The following CSMD1 variants were observed in gnomAD, a reference collection of about 807,000 sequenced individuals.
CSMD1 encodes CUB and sushi domain-containing protein 1.
CSMD1 carries 213 observed loss-of-function variants against 417.5 expected under a neutral mutation model. The ratio of observed to expected loss-of-function variants is 0.51; its 90% CI spans 0.46 to 0.57. The LOEUF is 0.57. Among genes scored for constraint, CSMD1 ranks in the 20% least tolerant of loss-of-function variants. The pLI, the probability that CSMD1 is intolerant of heterozygous loss-of-function variation, is 0.00. For missense variants in CSMD1, 6,923 were observed against 4,529.7 expected, an observed-to-expected ratio of 1.53 and a Z score of -15.17; for synonymous variants, 2,862 against 1,736.8, an observed-to-expected ratio of 1.65 and a Z score of -16.11.
intron 3 of CSMD1, among the ~76,000 whole-genome samples, chr8:4,353,198 G>C (rs1801199263): frequency 6.6e-6 from 1 of 151,914 alleles, no homozygotes; most frequent in Non-Finnish European, 1.5e-5. Context: ...CAAGTGTGGA[G>C]CCAGGTGGAG....
At chr8:3,948,047 A>C (rs774566058) in intron 5 of CSMD1, among the ~76,000 whole-genome samples, 3 of 152,134 alleles carry the variant, frequency 2.0e-5, no homozygotes, top group Non-Finnish European at 4.4e-5. Context: ...CTCTACTAAA[A>C]ATATAAAAAT....
At position 4,473,835 on chromosome 8, in the gene CSMD1, A is replaced by C. The variant is rs867948939; in HGVS notation, c.303-53770T>G. 4.6e-5 allele frequency among the ~76,000 whole-genome samples: 7 copies of C among 152,312 alleles called. No homozygotes were observed. In the Middle Eastern group the frequency reaches 0.014, roughly 296 times the overall value. The stretch of plus-strand genomic sequence containing the variant: ...ATAGAGATAGAATTGTCAAATAGGA[A>C]CACGCAAATGATCGTAGCATATATA... On this transcript the variant is annotated intron_variant, in intron 2 of 69. Transcript: ENST00000635120.
chr8:3,355,933 T>A (rs1250372341), intron 21 of CSMD1, among the ~76,000 whole-genome samples: 1 of 152,084 alleles, frequency 6.6e-6, no homozygotes, highest in Admixed American at 6.6e-5. Context: ...AAGGAATACA[T>A]GATACTATTT....
intron 3 of CSMD1, among the ~76,000 whole-genome samples, chr8:4,300,425 G>A (rs1252610488): frequency 6.6e-6 from 1 of 152,140 alleles, no homozygotes; most frequent in African/African-American, 2.4e-5. Context: ...GATGATGCCA[G>A]GCATTCAGTC....
chr8:4,089,071 C>A (rs976280678), intron 3 of CSMD1, among the ~76,000 whole-genome samples: 2 of 152,210 alleles, frequency 1.3e-5, no homozygotes, highest in East Asian at 3.9e-4. Flanking sequence ...GCCAGAGCTT[C>A]TGACAAATAG....
At chr8:3,884,683 T>C (rs1170327167) in intron 5 of CSMD1, among the ~76,000 whole-genome samples, 1 of 152,126 alleles carries the variant, frequency 6.6e-6, no homozygotes, top group Non-Finnish European at 1.5e-5. Flanking sequence ...TTTTAAATTA[T>C]AATTTTAGTA....
chr8:4,632,840 G>C (rs1374011078), intron 2 of CSMD1, among the ~76,000 whole-genome samples: 3 of 152,190 alleles, frequency 2.0e-5, no homozygotes, highest in Non-Finnish European at 4.4e-5. Context: ...ATACTATTCA[G>C]ACCGGTAGAG....
intron 3 of CSMD1, among the ~76,000 whole-genome samples, chr8:4,324,145 A>G (rs1252870580): frequency 6.6e-6 from 1 of 152,236 alleles, no homozygotes; most frequent in Non-Finnish European, 1.5e-5. Flanking sequence ...CTGTGCAATT[A>G]TCAATGCTGA....
intron 26 of CSMD1, among the ~76,000 whole-genome samples, chr8:3,241,193 A>C (rs1270599212): frequency 1.3e-5 from 2 of 151,628 alleles, no homozygotes; most frequent in East Asian, 3.9e-4. Context: ...CGGCCTAATA[A>C]GGGAACTGGG....
intron 1 of CSMD1, among the ~76,000 whole-genome samples, chr8:4,807,526 G>A (rs534554161): frequency 1.3e-5 from 2 of 152,156 alleles, no homozygotes; most frequent in African/African-American, 2.4e-5. Flanking sequence ...ACAAACCAGA[G>A]AGCAGGACAC....
At chr8:3,603,834 C>T (rs1056504139) in intron 8 of CSMD1, among the ~76,000 whole-genome samples, 6 of 152,144 alleles carry the variant, frequency 3.9e-5, no homozygotes, top group Non-Finnish European at 8.8e-5. Flanking sequence ...CCAATGATGT[C>T]CATACTTTCT....
chr8:4,877,800 C>G lies in CSMD1; in HGVS notation c.85+116532G>C, dbSNP rs150251223. On this transcript the variant is annotated intron_variant, in intron 1 of 69. Transcript: ENST00000635120. ...GTACAGTCCTAGAGATTTGGTGACT[C>G]AAATCTTTTCACTAACAGGCCCGTC... 3.2e-3 allele frequency among the ~76,000 whole-genome samples: 492 copies of G among 152,176 alleles called. 6 individuals are homozygous for G. Among genetic ancestry groups the G allele is most frequent in the Middle Eastern group, 0.014 (4 of 294 alleles).
rs114865695 is a variant in CSMD1, at chr8:4,237,636, C to G, written c.415+182317G>C. ...TGCAGCCTCAACCTCCTGCCTCACCCTTTCTAGTAGCTGAGACTGGAGGTG... is the reference window on the plus strand; with the variant it reads ...TGCAGCCTCAACCTCCTGCCTCACCGTTTCTAGTAGCTGAGACTGGAGGTG... On this transcript the variant is annotated intron_variant, in intron 3 of 69. Transcript: ENST00000635120. 2.1e-3 allele frequency among the ~76,000 whole-genome samples: 325 copies of G among 152,136 alleles called. 1 individual carries two copies. The highest frequency in any genetic ancestry group is 7.6e-3 in the African/African-American group (316 of 41,512).
rs1329611107 is a variant in CSMD1 at position 3,337,428 on chromosome 8, T to C, written c.3631+5866A>G. Reference sequence around the variant, plus strand: ...GCCTGACTCTCAGCCACAAGGTTTATTCTACAACCAAAATTTAAGCTTGCG... The same window carrying C: ...GCCTGACTCTCAGCCACAAGGTTTACTCTACAACCAAAATTTAAGCTTGCG... On this transcript the variant is annotated intron_variant, in intron 23 of 69. Coordinates refer to ENST00000635120, the MANE Select transcript of CSMD1 (RefSeq NM_033225.6). Among the ~76,000 whole-genome samples, 3 of 152,206 alleles carry C rather than the reference T, an allele frequency of 2.0e-5. No individual in the cohort carries two copies. The East Asian group carries it at 5.8e-4, about 29-fold the overall frequency.
chr8:4,994,542 C>A lies in CSMD1; in HGVS notation c.-126G>T. ...AGAGAGAGCCCGGTCCCAAGACCCG[C>A]CGCGCATCCGACGCCTCCTGAAGGT... On this transcript the variant is annotated 5_prime_UTR_variant, in exon 1 of 70. Coordinates refer to ENST00000635120, the MANE Select transcript of CSMD1 (RefSeq NM_033225.6). The A allele has an allele frequency of 4.8e-6, 4 of 830,594 alleles. No homozygotes were observed. The highest frequency in any genetic ancestry group is 4.3e-5 in the Admixed American group (2 of 46,038). The allele number at this position is 830,594 out of a possible 1,614,324, so 51.5% of individuals were successfully genotyped here.
At chr8:4,185,052 T>C (rs190925779) in intron 3 of CSMD1, among the ~76,000 whole-genome samples, 1,510 of 140,790 alleles carry the variant, frequency 0.011, 23 homozygotes, top group African/African-American at 0.037. Context: ...GGCAGGAGAA[T>C]GGCTAGAGCC....
chr8:3,724,195 C>CTT lies in CSMD1; in HGVS notation c.932-15706_932-15705dup, dbSNP rs35874563. On this transcript the variant is annotated intron_variant, in intron 6 of 69. Coordinates refer to ENST00000635120, the MANE Select transcript of CSMD1 (RefSeq NM_033225.6). ...GAAAACAATGCTACCTCTTTTACTACTTTTTTTTTTTTATTATTATACTTT... is the reference window on the plus strand; with the variant it reads ...GAAAACAATGCTACCTCTTTTACTACTTTTTTTTTTTTTTATTATTATACTTT... Among the ~76,000 whole-genome samples, 446 of 120,372 alleles carry CTT rather than the reference C, an allele frequency of 3.7e-3. 4 individuals carry two copies. The highest frequency in any genetic ancestry group is 0.011 in the African/African-American group (419 of 36,876). 79.0% of individuals were successfully genotyped at this position (120,372 alleles called of 152,430 possible). A position where few individuals can be genotyped will look rare whatever the true frequency, so the allele number is the denominator to read the frequency against.
intron 5 of CSMD1, among the ~76,000 whole-genome samples, chr8:3,876,309 G>C (rs1250434003): frequency 6.6e-6 from 1 of 152,144 alleles, no homozygotes; most frequent in Non-Finnish European, 1.5e-5. Flanking sequence ...TATGGGAAAA[G>C]GTGATGCACA....
At chr8:4,585,505 A>G (rs1430555149) in intron 2 of CSMD1, among the ~76,000 whole-genome samples, 2 of 152,208 alleles carry the variant, frequency 1.3e-5, no homozygotes, top group African/African-American at 4.8e-5. Flanking sequence ...TGAAAGAAGT[A>G]TTTGAAGAGA....
Sources: gnomAD v4.1 joint callset for allele counts (sites outside exome capture counted in the v4.1 genomes callset) on GRCh38, gnomAD v4.1.1 for gene constraint, MANE v1.5 for transcripts, NCBI Gene and HGNC (gene_info 2026-07-23, HGNC 2026-07-21) for gene names.